Variants in RASGEF1A observed in about 807,000 individuals in gnomAD.
RASGEF1A encodes ras-GEF domain-containing family member 1A.
Under a neutral mutation model 56.4 loss-of-function variants are expected in RASGEF1A, and 18 were observed. That is an observed-to-expected ratio of 0.32 (90% confidence interval 0.22 to 0.47). The LOEUF (loss-of-function observed/expected upper bound fraction) is 0.47, where lower values mean the gene tolerates loss of function less well. RASGEF1A is among the 20% of genes least tolerant of loss of function. RASGEF1A has a pLI of 1.00. For missense variants in RASGEF1A, 422 were observed against 627.1 expected (o/e 0.67, Z 3.49); for synonymous variants, 245 against 242.6 (o/e 1.01, Z -0.09).
chr10:43,214,271 C>T (rs1444761791), intron 1 of RASGEF1A, among the ~76,000 whole-genome samples: 1 of 152,322 alleles, frequency 6.6e-6, no homozygotes, highest in South Asian at 2.1e-4. Flanking sequence ...TGTGTCCAGG[C>T]CTGGGCAGCA....
Position 43,212,172 on chromosome 10 carries a change from C to G in RASGEF1A, c.-6-6050G>C, listed in dbSNP as rs549681013. 2.6e-5 allele frequency among the ~76,000 whole-genome samples: 4 copies of G among 152,316 alleles called. No individual in the cohort carries two copies. In the East Asian group the frequency reaches 7.7e-4, roughly 29 times the overall value. On this transcript the variant is annotated intron_variant, in intron 1 of 12. Transcript: ENST00000395810. ...TCACCCCAGAGGCACTGTTTTGAGA[C>G]ACAGAAGTTTCACAGAGCCTCCCCA...
chr10:43,257,141 G>T (rs1227833368), intron 1 of RASGEF1A, among the ~76,000 whole-genome samples: 1 of 152,216 alleles, frequency 6.6e-6, no homozygotes, highest in Non-Finnish European at 1.5e-5. Flanking sequence ...TCAGGTGGGG[G>T]TGAGGGTGAG....
chr10:43,208,736 C>A (rs542073745), intron 1 of RASGEF1A: 78 of 985,536 alleles, frequency 7.9e-5, no homozygotes, highest in Middle Eastern at 5.2e-4. Flanking sequence ...CTGGGGGATG[C>A]CCCATGAGCC....
chr10:43,250,686 C>A (rs964998054), intron 1 of RASGEF1A, among the ~76,000 whole-genome samples: 1 of 152,216 alleles, frequency 6.6e-6, no homozygotes, highest in Non-Finnish European at 1.5e-5. Flanking sequence ...ATGCTCCATT[C>A]CACAGAGGCT....
At chr10:43,257,669 C>T (rs903925363) in intron 1 of RASGEF1A, among the ~76,000 whole-genome samples, 10 of 152,232 alleles carry the variant, frequency 6.6e-5, no homozygotes, top group Admixed American at 3.3e-4. Context: ...GTCCCGTCAG[C>T]GGTGCCCTCC....
intron 2 of RASGEF1A, 114 bp from the exon 3 acceptor site, chr10:43,203,534 A>G: frequency 7.1e-7 from 1 of 1,409,686 alleles, no homozygotes; most frequent in Non-Finnish European, 9.3e-7. Flanking sequence ...GCCGGTCCCG[A>G]GGCCATGCCT....
intron 1 of RASGEF1A, among the ~76,000 whole-genome samples, chr10:43,239,234 G>A (rs1840474161): frequency 6.6e-6 from 1 of 152,222 alleles, no homozygotes; most frequent in African/African-American, 2.4e-5. Flanking sequence ...CCTGCAATGG[G>A]CATTATTGAT....
chr10:43,198,514 C>T (rs2133177772), intron 9 of RASGEF1A, among the ~76,000 whole-genome samples: 1 of 152,326 alleles, frequency 6.6e-6, no homozygotes, highest in South Asian at 2.1e-4. Context: ...CAGACCTGAC[C>T]AGCTCCACAA....
intron 1 of RASGEF1A, chr10:43,207,037 C>G (rs1475574860): frequency 1.0e-5 from 10 of 985,444 alleles, no homozygotes; most frequent in Non-Finnish European, 1.2e-5. Flanking sequence ...GTCTGAAGCC[C>G]TCTGGGCCTG....
chr10:43,221,883 G>A (rs1840213050), intron 1 of RASGEF1A, among the ~76,000 whole-genome samples: 1 of 152,270 alleles, frequency 6.6e-6, no homozygotes, highest in African/African-American at 2.4e-5. Flanking sequence ...TGAGGACAGG[G>A]CACAGCTGGA....
chr10:43,236,574 C>T (rs986818515), intron 1 of RASGEF1A, among the ~76,000 whole-genome samples: 3 of 152,232 alleles, frequency 2.0e-5, no homozygotes, highest in Non-Finnish European at 4.4e-5. Flanking sequence ...ACCTTCTCTC[C>T]GTCTCTCGCG....
At chr10:43,224,702 C>T (rs144733644) in intron 1 of RASGEF1A, among the ~76,000 whole-genome samples, 76 of 152,292 alleles carry the variant, frequency 5.0e-4, no homozygotes, top group Non-Finnish European at 9.1e-4. Context: ...AAGCCAAAGA[C>T]AACTGCTATT....
chr10:43,230,007 G>C (rs865863913), intron 1 of RASGEF1A, among the ~76,000 whole-genome samples: 1 of 152,014 alleles, frequency 6.6e-6, no homozygotes, highest in Non-Finnish European at 1.5e-5. Context: ...GTAGGTGCCG[G>C]GGTGTGAGGC....
chr10:43,233,761 G>A (rs1418411962), intron 1 of RASGEF1A, among the ~76,000 whole-genome samples: 2 of 152,220 alleles, frequency 1.3e-5, no homozygotes, highest in African/African-American at 4.8e-5. Flanking sequence ...CATCCTGGAT[G>A]GAGGCTGTGC....
In RASGEF1A at chr10:43,209,766, C is replaced by G. The variant is rs539698497; in HGVS notation, c.-6-3644G>C. Among the ~76,000 whole-genome samples the G allele has an allele frequency of 9.2e-5, 14 of 152,316 alleles. 1 individual carries two copies. In the South Asian group the frequency reaches 2.7e-3, roughly 29 times the overall value. On this transcript the variant is annotated intron_variant, in intron 1 of 12. Transcript: ENST00000395810. ...ATTTGTGGGAACCATCACCTCCACCCCAAGTCCAGCTGGGGCTGGCCTGGA... is the reference window on the plus strand; with the variant it reads ...ATTTGTGGGAACCATCACCTCCACCGCAAGTCCAGCTGGGGCTGGCCTGGA...
chr10:43,253,724 C>T (rs1840652973), intron 1 of RASGEF1A, among the ~76,000 whole-genome samples: 1 of 152,248 alleles, frequency 6.6e-6, no homozygotes, highest in Non-Finnish European at 1.5e-5. Context: ...CAGACACCTG[C>T]GTGACCACGA....
At chr10:43,230,242 C>A (rs1436762772) in intron 1 of RASGEF1A, among the ~76,000 whole-genome samples, 1 of 152,236 alleles carries the variant, frequency 6.6e-6, no homozygotes, top group Non-Finnish European at 1.5e-5. Context: ...ACAGCTCTGG[C>A]CTGAGACAGG....
chr10:43,202,636 A>ACCCCCCCC, intron 3 of RASGEF1A: 1 of 463,520 alleles, frequency 2.2e-6, no homozygotes. Context: ...AGACCGCTGG[A>ACCCCCCCC]CCCCGCCCCC....
intron 1 of RASGEF1A, among the ~76,000 whole-genome samples, chr10:43,236,266 A>T (rs944149631): frequency 6.6e-6 from 1 of 152,238 alleles, no homozygotes; most frequent in African/African-American, 2.4e-5. Context: ...TCCCTGGAGC[A>T]AAGACATGGC....
Sources: gnomAD v4.1 joint callset for allele counts (sites outside exome capture counted in the v4.1 genomes callset) on GRCh38, gnomAD v4.1.1 for gene constraint, MANE v1.5 for transcripts, NCBI Gene and HGNC (gene_info 2026-07-23, HGNC 2026-07-21) for gene names.